NKAIN2: variants seen among roughly 807,000 people sequenced by gnomAD.
NKAIN2 encodes sodium/potassium transporting ATPase interacting 2.
In NKAIN2, 14 loss-of-function variants were observed where a neutral mutation model predicts 32.6. That is an observed-to-expected ratio of 0.43 (90% CI 0.28 to 0.67). NKAIN2 has a LOEUF of 0.67. Among genes scored for constraint, NKAIN2 ranks in the 30% least tolerant of loss-of-function variants. The pLI, the probability that NKAIN2 is intolerant of heterozygous loss-of-function variation, is 0.17. For missense variants in NKAIN2, 198 were observed against 258.3 expected (o/e 0.77, Z 1.60); for synonymous variants, 80 against 87.2 (o/e 0.92, Z 0.46).
intron 4 of NKAIN2, among the ~76,000 whole-genome samples, chr6:124,682,892 T>C (rs1358753388): frequency 6.6e-6 from 1 of 152,192 alleles, no homozygotes; most frequent in Non-Finnish European, 1.5e-5. Context: ...ACTCAGGTTC[T>C]CACTTGACAT....
At chr6:124,745,753 TTA>T (rs956548057) in intron 4 of NKAIN2, among the ~76,000 whole-genome samples, 1 of 151,912 alleles carries the variant, frequency 6.6e-6, no homozygotes, top group African/African-American at 2.4e-5. Flanking sequence ...TAGACATCTG[TTA>T]TGTTTCAAAG....
chr6:124,781,079 T>C (rs1046634295), intron 4 of NKAIN2, among the ~76,000 whole-genome samples: 1 of 151,956 alleles, frequency 6.6e-6, no homozygotes, highest in Non-Finnish European at 1.5e-5. Flanking sequence ...CTAGGTGAAC[T>C]TAATTTTAAC....
chr6:124,561,436 T>C (rs1031667310), intron 3 of NKAIN2, among the ~76,000 whole-genome samples: 1 of 152,196 alleles, frequency 6.6e-6, no homozygotes, highest in East Asian at 1.9e-4. Flanking sequence ...TTTGATGGAA[T>C]GGCAAGATTG....
intron 1 of NKAIN2, among the ~76,000 whole-genome samples, chr6:124,277,072 T>G (rs1233036672): frequency 6.6e-6 from 1 of 152,118 alleles, no homozygotes; most frequent in Non-Finnish European, 1.5e-5. Context: ...GGCAAGGGTT[T>G]CCTGCTGAAG....
At chr6:124,194,244 A>G (rs562074272) in intron 1 of NKAIN2, among the ~76,000 whole-genome samples, 8 of 151,744 alleles carry the variant, frequency 5.3e-5, no homozygotes, top group African/African-American at 1.7e-4. Flanking sequence ...CCTCCTGCCC[A>G]GACTGCCCAC....
intron 4 of NKAIN2, among the ~76,000 whole-genome samples, chr6:124,702,759 C>G (rs1007530992): frequency 6.6e-6 from 1 of 152,056 alleles, no homozygotes; most frequent in Non-Finnish European, 1.5e-5. Flanking sequence ...AATGCCCTGA[C>G]ATCGGTCATT....
intron 3 of NKAIN2, among the ~76,000 whole-genome samples, chr6:124,588,582 G>A (rs542430775): frequency 2.6e-5 from 4 of 152,110 alleles, no homozygotes; most frequent in East Asian, 3.9e-4. Flanking sequence ...AATGAAATTC[G>A]CTTTCAATTA....
intron 3 of NKAIN2, among the ~76,000 whole-genome samples, chr6:124,577,510 G>A (rs1374620291): frequency 6.6e-6 from 1 of 152,128 alleles, no homozygotes; most frequent in Non-Finnish European, 1.5e-5. Flanking sequence ...GAAGCATTTA[G>A]ACCAGCCCTC....
intron 1 of NKAIN2, among the ~76,000 whole-genome samples, chr6:123,905,204 G>GATC (rs1198646074): frequency 1.3e-5 from 2 of 151,932 alleles, no homozygotes; most frequent in Non-Finnish European, 2.9e-5. Flanking sequence ...GATACTCCTA[G>GATC]ATCAGAGACA....
At chr6:124,553,420 G>C (rs185490750) in intron 3 of NKAIN2, among the ~76,000 whole-genome samples, 252 of 152,308 alleles carry the variant, frequency 1.7e-3, no homozygotes, top group African/African-American at 5.7e-3. Context: ...CGATTCTCCT[G>C]CCTCAGCCTC....
At chr6:124,440,732 G>A (rs1037564392) in intron 3 of NKAIN2, among the ~76,000 whole-genome samples, 1 of 152,078 alleles carries the variant, frequency 6.6e-6, no homozygotes, top group African/African-American at 2.4e-5. Context: ...CTTAGAATGA[G>A]AAGTCCTAAG....
chr6:124,202,837 G>A (rs1562419994), intron 1 of NKAIN2, among the ~76,000 whole-genome samples: 2 of 151,766 alleles, frequency 1.3e-5, no homozygotes, highest in African/African-American at 2.4e-5. Flanking sequence ...GGAGTTATAT[G>A]TAGGATTCTT....
At chr6:124,565,594 C>T (rs1415821117) in intron 3 of NKAIN2, among the ~76,000 whole-genome samples, 1 of 152,190 alleles carries the variant, frequency 6.6e-6, no homozygotes, top group Non-Finnish European at 1.5e-5. Context: ...TGCGAAACAC[C>T]ACTTAGAGTT....
chr6:123,943,645 A>G (rs1490801067), intron 1 of NKAIN2, among the ~76,000 whole-genome samples: 1 of 152,094 alleles, frequency 6.6e-6, no homozygotes, highest in Non-Finnish European at 1.5e-5. Context: ...TCTGACTCAT[A>G]GTCATTGCAC....
At chr6:124,442,677 T>C (rs1242685518) in intron 3 of NKAIN2, among the ~76,000 whole-genome samples, 2 of 152,126 alleles carry the variant, frequency 1.3e-5, no homozygotes, top group African/African-American at 4.8e-5. Context: ...TAATGGGTAG[T>C]TCTGACATAG....
intron 2 of NKAIN2, among the ~76,000 whole-genome samples, chr6:124,323,009 C>T (rs1797258751): frequency 6.6e-6 from 1 of 152,166 alleles, no homozygotes; most frequent in South Asian, 2.1e-4. Context: ...CCTTAATTTG[C>T]ATTTCCCTAA....
chr6:124,163,256 C>G (rs1788366737), intron 1 of NKAIN2, among the ~76,000 whole-genome samples: 1 of 151,596 alleles, frequency 6.6e-6, no homozygotes, highest in African/African-American at 2.4e-5. Context: ...AAAAAACAAA[C>G]TAAAAGTTGC....
intron 1 of NKAIN2, among the ~76,000 whole-genome samples, chr6:123,863,471 T>G (rs543368457): frequency 7.2e-5 from 11 of 152,308 alleles, no homozygotes; most frequent in Admixed American, 7.2e-4. Context: ...ATTAGATAAT[T>G]AACGTGTAGA....
At chr6:124,351,331 C>T (rs188825760) in intron 2 of NKAIN2, among the ~76,000 whole-genome samples, 18 of 151,660 alleles carry the variant, frequency 1.2e-4, no homozygotes, top group Admixed American at 9.8e-4. Context: ...CATGGTGAAA[C>T]TCTCTCTACA....
Sources: gnomAD v4.1 joint callset for allele counts (sites outside exome capture counted in the v4.1 genomes callset) on GRCh38, gnomAD v4.1.1 for gene constraint, MANE v1.5 for transcripts, NCBI Gene and HGNC (gene_info 2026-07-23, HGNC 2026-07-21) for gene names.